The following BCO2 variants were observed in gnomAD, a reference collection of about 807,000 sequenced individuals.
BCO2 encodes beta-carotene oxygenase 2, also known as carotenoid-cleaving dioxygenase, mitochondrial.
Under a neutral mutation model 65.8 loss-of-function variants are expected in BCO2, and 56 were observed. The observed-to-expected ratio is 0.85, with a 90% CI of 0.69 to 1.06. The LOEUF is 1.06. BCO2 is among the 50% of genes least tolerant of loss of function. The probability of loss-of-function intolerance (pLI) is 0.00; values close to 1 mark genes in which losing one functional copy is unlikely to be tolerated. For synonymous variants in BCO2, 233 were observed against 242.3 expected, an observed-to-expected ratio of 0.96 and a Z score of 0.36; for missense variants, 675 against 698.5, an observed-to-expected ratio of 0.97 and a Z score of 0.38.
At chr11:112,216,402 A>G (rs1021141265) in intron 11 of BCO2, 72 bp downstream of exon 11, 3 of 1,085,988 alleles carry the variant, frequency 2.8e-6, no homozygotes, top group Non-Finnish European at 2.8e-6. Flanking sequence ...AAGGATGCAC[A>G]CTCATCTGTC....
chr11:112,187,035 C>A (rs1186813907), intron 2 of BCO2, among the ~76,000 whole-genome samples: 2 of 152,186 alleles, frequency 1.3e-5, no homozygotes, highest in Non-Finnish European at 2.9e-5. Flanking sequence ...TAAGGCCACA[C>A]TTGGAACTTA....
chr11:112,175,831 A>G (rs1866867764), intron 1 of BCO2, 142 bp downstream of exon 1: 1 of 651,418 alleles, frequency 1.5e-6, no homozygotes, highest in Non-Finnish European at 2.7e-6. Flanking sequence ...GCAATTCCGC[A>G]GAGTCCTGGA....
chr11:112,213,287 G>T (rs1859565436), intron 8 of BCO2, among the ~76,000 whole-genome samples: 1 of 151,420 alleles, frequency 6.6e-6, no homozygotes, highest in Admixed American at 6.6e-5. Flanking sequence ...GGGATTAGAG[G>T]CATGAGCCAC....
intron 5 of BCO2, among the ~76,000 whole-genome samples, chr11:112,196,937 C>T (rs1421595424): frequency 6.7e-6 from 1 of 148,590 alleles, no homozygotes; most frequent in East Asian, 2.0e-4. Context: ...CTTCCCTTCC[C>T]TTCCCTTCCC....
intron 2 of BCO2, chr11:112,181,488 C>T: frequency 2.8e-6 from 2 of 711,802 alleles, no homozygotes; most frequent in Non-Finnish European, 5.3e-6. Context: ...GCCGAGCTTT[C>T]TTAATTGACC....
intron 8 of BCO2, among the ~76,000 whole-genome samples, chr11:112,204,830 G>T (rs534509283): frequency 1.7e-4 from 26 of 152,044 alleles, no homozygotes; most frequent in African/African-American, 6.3e-4. Flanking sequence ...CTGCCACCAT[G>T]CCCGTTGTAT....
At position 112,214,747 on chromosome 11, in the gene BCO2, T is replaced by G; in HGVS notation, c.1333-15T>G. 6.2e-7 allele frequency: 1 copy of G among 1,606,670 alleles called. No individual in the cohort carries two copies. The highest frequency in any genetic ancestry group is 8.5e-7 in the Non-Finnish European group (1 of 1,174,322). On this transcript the variant is annotated splice_polypyrimidine_tract_variant and intron_variant, in intron 9 of 11. Transcript: ENST00000357685. ...ATTAAGCAACCACTACAAATCCTTT[T>G]GAAATCTCTTTTAGATCTGGTGCTC...
Position 112,214,772 on chromosome 11 carries a change from C to T in BCO2, c.1343C>T (p.Ser448Phe), listed in dbSNP as rs150993927. The T allele has an allele frequency of 6.2e-7, 1 of 1,612,962 alleles. No homozygotes were observed. The highest frequency in any genetic ancestry group is 2.2e-5 in the East Asian group (1 of 44,856). ...VKQADGTIWC[S>F]HENLHQEDLE... Reference sequence around the variant, plus strand: ...TGAAATCTCTTTTAGATCTGGTGCTCTCATGAAAATCTACATCAGGAGGAC... The same window carrying T: ...TGAAATCTCTTTTAGATCTGGTGCTTTCATGAAAATCTACATCAGGAGGAC... The change falls in exon 10 of 12, where the codon TCT becomes TTT. Residue 448 changes from serine (S) to phenylalanine (F), a missense_variant. Transcript: ENST00000357685.
At chr11:112,201,893 C>A in intron 7 of BCO2, 130 bp from the exon 8 acceptor site, 1 of 688,800 alleles carries the variant, frequency 1.5e-6, no homozygotes, top group Non-Finnish European at 2.3e-6. Flanking sequence ...ATATACTGGA[C>A]CTGCCACTTC....
chr11:112,180,568 C>A (rs1368282712), intron 2 of BCO2, among the ~76,000 whole-genome samples: 2 of 151,978 alleles, frequency 1.3e-5, no homozygotes, highest in Non-Finnish European at 2.9e-5. Flanking sequence ...GCTGAGGAGC[C>A]TAGAAGCAGG....
At chr11:112,213,681 C>T (rs538578937) in intron 8 of BCO2, 43 bp from the exon 9 acceptor site, 15 of 1,587,170 alleles carry the variant, frequency 9.5e-6, no homozygotes, top group East Asian at 9.0e-5. Context: ...CATACTGTTA[C>T]CATATGAATG....
intron 5 of BCO2, among the ~76,000 whole-genome samples, chr11:112,197,901 C>T (rs1867625318): frequency 6.6e-6 from 1 of 152,178 alleles, no homozygotes; most frequent in Non-Finnish European, 1.5e-5. Flanking sequence ...TGCATTTGCT[C>T]TTCCCTCCAC....
chr11:112,180,779 C>T (rs537908607), intron 2 of BCO2: 24 of 969,074 alleles, frequency 2.5e-5, no homozygotes, highest in Non-Finnish European at 3.5e-5. Flanking sequence ...CGTGATGAGG[C>T]GGATGACCCT....
intron 2 of BCO2, among the ~76,000 whole-genome samples, chr11:112,184,968 T>C (rs558274130): frequency 1.4e-4 from 22 of 152,344 alleles, no homozygotes; most frequent in African/African-American, 5.1e-4. Flanking sequence ...AAAGCTTTCC[T>C]TAACAGTAAA....
intron 2 of BCO2, among the ~76,000 whole-genome samples, chr11:112,187,762 AGC>A (rs1867244179): frequency 6.6e-6 from 1 of 151,964 alleles, no homozygotes; most frequent in Non-Finnish European, 1.5e-5. Context: ...TAACTCTTAG[AGC>A]TCACCTTACC....
chr11:112,195,695 C>T lies in BCO2; in HGVS notation c.736+940C>T, dbSNP rs573426299. On this transcript the variant is annotated intron_variant, in intron 5 of 11. Coordinates refer to ENST00000357685, the MANE Select transcript of BCO2 (RefSeq NM_031938.7). ...CTGACCTCAAGTGATCCGTCTGCCT[C>T]GGTCTCCCAAAGTGCTGGGATTTCA... 7.1e-4 allele frequency among the ~76,000 whole-genome samples: 107 copies of T among 151,382 alleles called. 1 individual carries two copies. The highest frequency in any genetic ancestry group is 2.4e-3 in the African/African-American group (101 of 41,244).
At chr11:112,205,092 A>G (rs996811317) in intron 8 of BCO2, among the ~76,000 whole-genome samples, 14 of 152,352 alleles carry the variant, frequency 9.2e-5, no homozygotes, top group African/African-American at 3.1e-4. Flanking sequence ...CCAGTCAACA[A>G]TAGTTTATTA....
intron 8 of BCO2, among the ~76,000 whole-genome samples, chr11:112,210,481 G>C (rs1188886785): frequency 6.6e-6 from 1 of 152,120 alleles, no homozygotes; most frequent in African/African-American, 2.4e-5. Context: ...TATTCATAGG[G>C]TACAGACCTA....
chr11:112,217,919 C>A lies in BCO2; in HGVS notation c.*45C>A. ...GGAAACTAGGTTTAAAATAAGTGTG[C>A]ACTTGGACATAAAGACTGGAGAAAT... On this transcript the variant is annotated 3_prime_UTR_variant, in exon 12 of 12. Coordinates refer to ENST00000357685, the MANE Select transcript of BCO2 (RefSeq NM_031938.7). 1 of 1,353,472 alleles carries A rather than the reference C, an allele frequency of 7.4e-7. No individual in the cohort carries two copies. Among genetic ancestry groups the A allele is most frequent in the Non-Finnish European group, 1.0e-6 (1 of 959,664 alleles). The allele number at this position is 1,353,472 out of a possible 1,614,324, so 83.8% of individuals were successfully genotyped here.
Sources: allele counts gnomAD v4.1 joint callset (sites outside exome capture counted in the v4.1 genomes callset), GRCh38; gene constraint gnomAD v4.1.1; transcripts MANE v1.5; gene names NCBI Gene and HGNC (gene_info 2026-07-23, HGNC 2026-07-21).